The following BCAR3 variants were observed in gnomAD, a reference collection of about 807,000 sequenced individuals.
The protein encoded by BCAR3 is breast cancer anti-estrogen resistance protein 3.
In BCAR3, 37 loss-of-function variants were observed where a neutral mutation model predicts 80.1. The observed-to-expected ratio is 0.46, with a 90% CI of 0.36 to 0.61. BCAR3 has a LOEUF of 0.61. Ranked by LOEUF, BCAR3 falls within the 20% of genes least tolerant of loss-of-function variation. The pLI is 0.00. For missense variants in BCAR3, 978 were observed against 1,068.2 expected (o/e 0.92, Z 1.18); for synonymous variants, 389 against 418.9 (o/e 0.93, Z 0.87).
At chr1:93,721,717 T>C (rs1226482590) in intron 2 of BCAR3, among the ~76,000 whole-genome samples, 1 of 152,164 alleles carries the variant, frequency 6.6e-6, no homozygotes, top group Non-Finnish European at 1.5e-5. Context: ...CCGATTCCAA[T>C]GGGAGCTGTT....
At chr1:93,759,033 T>C (rs1651843479) in intron 2 of BCAR3, among the ~76,000 whole-genome samples, 1 of 152,158 alleles carries the variant, frequency 6.6e-6, no homozygotes, top group African/African-American at 2.4e-5. Context: ...AACACTATTG[T>C]GCAAAATTAG....
rs372728981 is a variant in BCAR3, at chr1:93,723,761, G to A, written c.-62-17619C>T. On this transcript the variant is annotated intron_variant, in intron 2 of 13. Coordinates refer to the BCAR3 transcript ENST00000370244. ...GAATTTGATCTAGGAGGCAGGCAAA[G>A]GAAAAAGAGGCTGTGATAACCACTG... 4.6e-5 allele frequency among the ~76,000 whole-genome samples: 7 copies of A among 152,242 alleles called. No individual in the cohort carries two copies. In the South Asian group the frequency reaches 8.3e-4, roughly 18 times the overall value.
At chr1:93,721,941 T>C (rs1650420456) in intron 2 of BCAR3, among the ~76,000 whole-genome samples, 1 of 152,220 alleles carries the variant, frequency 6.6e-6, no homozygotes, top group African/African-American at 2.4e-5. Context: ...CTTAGATCAG[T>C]GGCTGGTGCA....
chr1:93,705,950 G>C (rs553541692), intron 3 of BCAR3: 1 of 152,178 alleles, frequency 6.6e-6, no homozygotes, highest in Admixed American at 6.5e-5. Context: ...GCTTCTGCAG[G>C]TTAACAAGAG....
At chr1:93,652,380 C>T (rs546883445) in intron 2 of BCAR3, among the ~76,000 whole-genome samples, 1 of 152,198 alleles carries the variant, frequency 6.6e-6, no homozygotes, top group Non-Finnish European at 1.5e-5. Flanking sequence ...TGCAGAAATG[C>T]TGTGTCTACT....
chr1:93,726,140 A>T (rs2100676606), intron 2 of BCAR3, among the ~76,000 whole-genome samples: 1 of 152,208 alleles, frequency 6.6e-6, no homozygotes, highest in African/African-American at 2.4e-5. Context: ...ACACAGCTCA[A>T]TGCAGCCTTA....
intron 1 of BCAR3, chr1:93,846,840 GC>G (rs535725538): frequency 8.4e-6 from 4 of 473,944 alleles, no homozygotes; most frequent in East Asian, 1.5e-4. Context: ...GGGGCGCGTC[GC>G]CCCCCTCAGT....
chr1:93,601,996 C>T (rs1674638515), intron 3 of BCAR3: 1 of 152,200 alleles, frequency 6.6e-6, no homozygotes. Context: ...CAAATTGTAT[C>T]AAACAACTCC....
intron 3 of BCAR3, chr1:93,599,759 A>G (rs750211852): frequency 6.6e-6 from 1 of 152,196 alleles, no homozygotes. Flanking sequence ...AATTGAACTC[A>G]TCCCCTCTGC....
intron 2 of BCAR3, among the ~76,000 whole-genome samples, chr1:93,788,078 C>CT (rs1257894476): frequency 1.3e-5 from 2 of 152,016 alleles, no homozygotes; most frequent in African/African-American, 4.8e-5. Context: ...CCTTCTTTGT[C>CT]TTTTTTTACT....
At chr1:93,831,133 T>C (rs567446887) in intron 2 of BCAR3, among the ~76,000 whole-genome samples, 39 of 152,268 alleles carry the variant, frequency 2.6e-4, no homozygotes, top group African/African-American at 8.9e-4. Context: ...CCATACTCCA[T>C]TGGTGTCTGA....
intron 3 of BCAR3, among the ~76,000 whole-genome samples, chr1:93,690,575 G>A (rs1263477653): frequency 6.6e-6 from 1 of 152,140 alleles, no homozygotes; most frequent in African/African-American, 2.4e-5. Flanking sequence ...GCCTCAAAAA[G>A]ACTAAATAAA....
chr1:93,585,323 C>T (rs949067331), intron 5 of BCAR3, among the ~76,000 whole-genome samples: 2 of 152,252 alleles, frequency 1.3e-5, no homozygotes, highest in Non-Finnish European at 2.9e-5. Flanking sequence ...CTTTTCCCCT[C>T]CTCCCACTTA....
chr1:93,814,593 G>A (rs562763159), intron 2 of BCAR3, among the ~76,000 whole-genome samples: 3 of 152,216 alleles, frequency 2.0e-5, no homozygotes, highest in Non-Finnish European at 4.4e-5. Flanking sequence ...GGAACTCTGG[G>A]CAGCCCTCAT....
chr1:93,744,874 A>C (rs1651302216), intron 2 of BCAR3, among the ~76,000 whole-genome samples: 1 of 152,218 alleles, frequency 6.6e-6, no homozygotes, highest in African/African-American at 2.4e-5. Context: ...GAAACTACAA[A>C]TGAAAGAGAT....
At chr1:93,834,249 C>G (rs1383877320) in intron 2 of BCAR3, among the ~76,000 whole-genome samples, 1 of 152,174 alleles carries the variant, frequency 6.6e-6, no homozygotes, top group African/African-American at 2.4e-5. Flanking sequence ...TGTCCAAAAA[C>G]CAGACAAGTC....
chr1:93,737,307 T>A (rs1571084683), intron 2 of BCAR3, among the ~76,000 whole-genome samples: 1 of 152,116 alleles, frequency 6.6e-6, no homozygotes, highest in East Asian at 1.9e-4. Flanking sequence ...GGAAATAGGG[T>A]CTTTTGCAGG....
intron 1 of BCAR3, among the ~76,000 whole-genome samples, chr1:93,846,660 CCA>C (rs1655202662): frequency 6.6e-6 from 1 of 151,936 alleles, no homozygotes; most frequent in Non-Finnish European, 1.5e-5. Context: ...CGCCCTCCGA[CCA>C]CATGCACCCG....
At chr1:93,833,014 C>T (rs1402253761) in intron 2 of BCAR3, among the ~76,000 whole-genome samples, 1 of 152,134 alleles carries the variant, frequency 6.6e-6, no homozygotes, top group Non-Finnish European at 1.5e-5. Flanking sequence ...CCATTAAAAC[C>T]TAATCACCCT....
Sources: gnomAD v4.1 joint callset for allele counts (sites outside exome capture counted in the v4.1 genomes callset) on GRCh38, gnomAD v4.1.1 for gene constraint, MANE v1.5 for transcripts, NCBI Gene and HGNC (gene_info 2026-07-23, HGNC 2026-07-21) for gene names.